CYFIP1: variants seen among roughly 807,000 people sequenced by gnomAD.
CYFIP1 encodes cytoplasmic FMR1 interacting protein 1, also known as cytoplasmic FMR1-interacting protein 1.
CYFIP1 carries 58 observed loss-of-function variants against 163.5 expected under a neutral mutation model. The ratio of observed to expected loss-of-function variants is 0.35; its 90% confidence interval spans 0.29 to 0.44. The LOEUF is 0.44. Ranked by LOEUF, CYFIP1 falls within the 20% of genes least tolerant of loss-of-function variation. CYFIP1 has a pLI of 1.00. For synonymous variants in CYFIP1, 663 were observed against 660.7 expected (o/e 1.00, Z -0.05); for missense variants, 1,338 against 1,653.8 (o/e 0.81, Z 3.31).
chr15:22,951,623 T>A, intron 1 of CYFIP1: 1 of 1,175,826 alleles, frequency 8.5e-7, no homozygotes, highest in South Asian at 1.3e-5. Flanking sequence ...GCGTGTCCAG[T>A]CATGCCCGGG....
intron 1 of CYFIP1, among the ~76,000 whole-genome samples, chr15:22,958,796 G>A (rs1031491692): frequency 9.9e-5 from 15 of 152,186 alleles, no homozygotes; most frequent in African/African-American, 2.4e-4. Flanking sequence ...CAAACCATGC[G>A]CCATGAAACC....
At chr15:22,980,222 G>C (rs1414490728) in intron 1 of CYFIP1, 65 bp downstream of exon 1, 2 of 151,460 alleles carry the variant, frequency 1.3e-5, no homozygotes, top group East Asian at 1.9e-4. Flanking sequence ...GCCGGCCCAG[G>C]TTCCGAGGGG....
At chr15:22,936,733 A>G (rs2061723402) in intron 9 of CYFIP1, among the ~76,000 whole-genome samples, 2 of 152,176 alleles carry the variant, frequency 1.3e-5, no homozygotes, top group African/African-American at 2.4e-5. Flanking sequence ...GCCCGCCAAC[A>G]TTGGAACGGA....
At chr15:22,879,067 C>T (rs1317744861) in intron 26 of CYFIP1, among the ~76,000 whole-genome samples, 1 of 150,632 alleles carries the variant, frequency 6.6e-6, no homozygotes, top group Non-Finnish European at 1.5e-5. Flanking sequence ...ACCCGGGAGG[C>T]GGAGCTTGCA....
intron 8 of CYFIP1, among the ~76,000 whole-genome samples, chr15:22,937,595 TC>T (rs1335086897): frequency 3.6e-5 from 5 of 139,688 alleles, no homozygotes; most frequent in Non-Finnish European, 8.1e-5. Context: ...AACTAAAAAT[TC>T]TTTTTTTGTT....
chr15:22,896,193 A>G (rs981882932), intron 22 of CYFIP1, among the ~76,000 whole-genome samples: 1 of 152,100 alleles, frequency 6.6e-6, no homozygotes, highest in African/African-American at 2.4e-5. Context: ...ATCCCCTAAG[A>G]GGAAAACTAA....
intron 8 of CYFIP1, among the ~76,000 whole-genome samples, chr15:22,938,446 A>C (rs760759840): frequency 2.0e-5 from 3 of 151,976 alleles, no homozygotes; most frequent in Admixed American, 6.6e-5. Flanking sequence ...ATCTACAAAA[A>C]TTCAAAAACT....
chr15:22,884,618 G>C (rs906823828), intron 23 of CYFIP1, among the ~76,000 whole-genome samples: 2 of 152,146 alleles, frequency 1.3e-5, no homozygotes, highest in Admixed American at 1.3e-4. Flanking sequence ...CAGGTACACA[G>C]TACAAGCTGA....
At chr15:22,875,890 A>ACATATATATATATATATATATATATG (rs1595491064) in intron 26 of CYFIP1, among the ~76,000 whole-genome samples, 15 of 133,020 alleles carry the variant, frequency 1.1e-4, no homozygotes, top group African/African-American at 1.6e-4. Context: ...AATAACATAT[A>ACATATATATATATATATATATATATG]TATATATAAA....
Position 22,933,895 on chromosome 15 carries a change from T to A in CYFIP1, c.901-2A>T. 1 of 1,606,788 alleles carries A rather than the reference T, an allele frequency of 6.2e-7. No homozygotes were observed. Among genetic ancestry groups the A allele is most frequent in the Non-Finnish European group, 8.5e-7 (1 of 1,175,714 alleles). On this transcript the variant is annotated splice_acceptor_variant, in intron 9 of 30. Transcript: ENST00000617928. LOFTEE classifies it high-confidence loss of function. ...AAATAGCGGAACCACCTGGAGTTGC[T>A]GTATTCAAAGAACAAAAAAATAGAG...
In CYFIP1 at chr15:22,867,094, C is replaced by T; in HGVS notation, c.*2934G>A. On this transcript the variant is annotated 3_prime_UTR_variant, in exon 31 of 31. Coordinates refer to ENST00000617928, the MANE Select transcript of CYFIP1 (RefSeq NM_014608.6). ...TTGTTGTAGAAGTATTTTACATTTTCATCCCTTCTCCAAAAGCCGAATGCA... is the reference window on the plus strand; with the variant it reads ...TTGTTGTAGAAGTATTTTACATTTTTATCCCTTCTCCAAAAGCCGAATGCA... The T allele has an allele frequency of 8.2e-6, 4 of 490,088 alleles. No homozygotes were observed. Among genetic ancestry groups the T allele is most frequent in the Non-Finnish European group, 1.4e-5 (4 of 281,606 alleles). The allele number at this position is 490,088 out of a possible 1,614,324, so 30.4% of individuals were successfully genotyped here.
chr15:22,939,582 G>GACAAATGA, intron 6 of CYFIP1, 75 bp from the exon 7 acceptor site: 1 of 668,000 alleles, frequency 1.5e-6, no homozygotes. Flanking sequence ...AAAAAAAAAA[G>GACAAATGA]CCTGGTTCGA....
chr15:22,884,630 T>C (rs1459880576), intron 23 of CYFIP1, among the ~76,000 whole-genome samples: 1 of 152,108 alleles, frequency 6.6e-6, no homozygotes, highest in Non-Finnish European at 1.5e-5. Flanking sequence ...ACAAGCTGAC[T>C]GGGGTCTGGA....
intron 9 of CYFIP1, among the ~76,000 whole-genome samples, chr15:22,935,938 A>G (rs1040569649): frequency 2.0e-5 from 3 of 152,208 alleles, no homozygotes; most frequent in Non-Finnish European, 2.9e-5. Flanking sequence ...AAGCTGGGAA[A>G]AAGTGAAAGG....
intron 1 of CYFIP1, among the ~76,000 whole-genome samples, chr15:22,972,374 T>C (rs1345127961): frequency 1.3e-5 from 2 of 151,864 alleles, no homozygotes; most frequent in African/African-American, 4.8e-5. Context: ...GAGGCGGAGG[T>C]TGCAGTGATC....
chr15:22,916,965 G>A (rs1411058907), intron 15 of CYFIP1: 9 of 1,551,602 alleles, frequency 5.8e-6, no homozygotes, highest in Middle Eastern at 1.7e-4. Context: ...CATGCCCAGA[G>A]ACTTGAGCTG....
At position 22,944,652 on chromosome 15, in the gene CYFIP1, C is replaced by G. The variant is rs776854589; in HGVS notation, c.293G>C (p.Cys98Ser). Residue 98 changes from cysteine to serine, a missense_variant, in exon 5 of 31, where the codon TGT becomes TCT. Around this residue, in one of 4 missense-constraint regions of CYFIP1, gnomAD observed 186 missense variants for 288.3 expected, o/e 0.65. Transcript: ENST00000617928. Reference protein sequence around the residue: ...SCSRAIPQVKCNEQPNRVEIY... With the variant: ...SCSRAIPQVKSNEQPNRVEIY... ...TTCCACTCTGTTAGGCTGCTCGTTA[C>G]ATTTCACCTGGGAATAAAGGAACAA... The G allele has an allele frequency of 6.2e-7, 1 of 1,613,490 alleles. No homozygotes were observed. Among genetic ancestry groups the G allele is most frequent in the African/African-American group, 1.3e-5 (1 of 75,056 alleles).
chr15:22,898,692 T>C (rs2060305740), intron 22 of CYFIP1, among the ~76,000 whole-genome samples: 1 of 151,980 alleles, frequency 6.6e-6, no homozygotes, highest in Non-Finnish European at 1.5e-5. Flanking sequence ...TGTGCTACCA[T>C]ACCCAGCTAA....
At chr15:22,941,457 A>G (rs1236716666) in intron 6 of CYFIP1, among the ~76,000 whole-genome samples, 1 of 152,022 alleles carries the variant, frequency 6.6e-6, no homozygotes, top group African/African-American at 2.4e-5. Flanking sequence ...CTCAAGCCTC[A>G]CCATAACCAT....
Sources: allele counts gnomAD v4.1 joint callset (sites outside exome capture counted in the v4.1 genomes callset), GRCh38; gene constraint gnomAD v4.1.1; regional missense constraint gnomAD v4.1.1; transcripts MANE v1.5; gene names NCBI Gene and HGNC (gene_info 2026-07-23, HGNC 2026-07-21).